IQCJ: variants seen among roughly 807,000 people sequenced by gnomAD.
IQCJ encodes IQ domain-containing protein J.
A neutral mutation model predicts 11.0 loss-of-function variants in IQCJ; 9 were observed. The ratio of observed to expected loss-of-function variants is 0.82; its 90% CI spans 0.49 to 1.43. The LOEUF is 1.43. Ranked by LOEUF, IQCJ falls within the 40% of genes most tolerant of loss-of-function variation. The pLI, the probability that IQCJ is intolerant of heterozygous loss-of-function variation, is 0.00. For synonymous variants in IQCJ, 55 were observed against 51.3 expected, an observed-to-expected ratio of 1.07 and a Z score of -0.31; for missense variants, 146 against 133.2, an observed-to-expected ratio of 1.10 and a Z score of -0.47.
At chr3:159,262,314 T>G (rs1728259015) in intron 3 of IQCJ, among the ~76,000 whole-genome samples, 1 of 152,214 alleles carries the variant, frequency 6.6e-6, no homozygotes, top group Admixed American at 6.5e-5. Context: ...TTTAGGCCGG[T>G]TGAGTGCAGT....
chr3:159,159,073 A>G (rs1277829289), intron 1 of IQCJ, among the ~76,000 whole-genome samples: 1 of 152,220 alleles, frequency 6.6e-6, no homozygotes, highest in Admixed American at 6.5e-5. Flanking sequence ...GGCCCATTAA[A>G]GGAAAACCCC....
intron 1 of IQCJ, among the ~76,000 whole-genome samples, chr3:159,223,550 C>T (rs1039297755): frequency 6.6e-6 from 1 of 152,066 alleles, no homozygotes; most frequent in South Asian, 2.1e-4. Context: ...GATGGAGATA[C>T]AGACATACCT....
chr3:159,198,828 TAAAA>T (rs896927499), intron 1 of IQCJ, among the ~76,000 whole-genome samples: 1 of 152,170 alleles, frequency 6.6e-6, no homozygotes, highest in South Asian at 2.1e-4. Flanking sequence ...TGAATTTAAG[TAAAA>T]AAAGAGAGAC....
At chr3:159,217,709 AC>A (rs1298565384) in intron 1 of IQCJ, among the ~76,000 whole-genome samples, 1 of 152,010 alleles carries the variant, frequency 6.6e-6, no homozygotes, top group Non-Finnish European at 1.5e-5. Flanking sequence ...TGTCTACTCC[AC>A]ATTAAAATCC....
intron 1 of IQCJ, among the ~76,000 whole-genome samples, chr3:159,166,639 G>A (rs1036122100): frequency 2.0e-5 from 3 of 152,182 alleles, no homozygotes; most frequent in African/African-American, 4.8e-5. Flanking sequence ...AAGTGCAGCA[G>A]TGTGCATTCG....
At chr3:159,128,281 A>C (rs1274242612) in intron 1 of IQCJ, among the ~76,000 whole-genome samples, 4 of 152,180 alleles carry the variant, frequency 2.6e-5, no homozygotes, top group Admixed American at 6.5e-5. Context: ...TAGGGCTGAA[A>C]GTAATAACTA....
In IQCJ at chr3:159,122,798, G is replaced by A. The variant is rs183831134; in HGVS notation, c.9+53357G>A. Among the ~76,000 whole-genome samples, 618 of 152,244 alleles carry A rather than the reference G, an allele frequency of 4.1e-3. 3 individuals are homozygous for A. Among genetic ancestry groups the A allele is most frequent in the Admixed American group, 8.2e-3 (125 of 15,298 alleles). ...GTCAGATTTGTCTTACAGTCTTTGG[G>A]TGGCAAAATGGCACTTTCACTTTGG... On this transcript the variant is annotated intron_variant, in intron 1 of 3. Coordinates refer to ENST00000397832, the MANE Select transcript of IQCJ (RefSeq NM_001042706.3).
At chr3:159,092,819 G>A (rs964316715) in intron 1 of IQCJ, among the ~76,000 whole-genome samples, 1 of 150,528 alleles carries the variant, frequency 6.6e-6, no homozygotes, top group African/African-American at 2.5e-5. Context: ...AGCCAGTATA[G>A]TATATTGTGT....
intron 1 of IQCJ, among the ~76,000 whole-genome samples, chr3:159,110,581 C>T (rs1054958011): frequency 1.3e-5 from 2 of 152,130 alleles, no homozygotes; most frequent in Admixed American, 1.3e-4. Context: ...CCTTACACGC[C>T]CTGCCATGAT....
chr3:159,147,610 T>TGAA (rs1201523634), intron 1 of IQCJ, among the ~76,000 whole-genome samples: 3 of 152,328 alleles, frequency 2.0e-5, no homozygotes, highest in East Asian at 3.9e-4. Context: ...TCTTTCTTTC[T>TGAA]GAAGAAGGTG....
At chr3:159,118,856 C>T (rs183464202) in intron 1 of IQCJ, among the ~76,000 whole-genome samples, 5 of 152,274 alleles carry the variant, frequency 3.3e-5, no homozygotes, top group Admixed American at 1.3e-4. Flanking sequence ...AAGGAAGGTT[C>T]GCTCATAGCT....
chr3:159,194,891 C>A (rs146109104), intron 1 of IQCJ, among the ~76,000 whole-genome samples: 30 of 151,996 alleles, frequency 2.0e-4, no homozygotes, highest in Non-Finnish European at 4.4e-4. Context: ...AGTGGGCAGA[C>A]CATGAGGTTA....
chr3:159,085,883 T>C (rs1042305152), intron 1 of IQCJ, among the ~76,000 whole-genome samples: 1 of 151,038 alleles, frequency 6.6e-6, no homozygotes, highest in South Asian at 2.1e-4. Flanking sequence ...TTCACTCTGA[T>C]GGTAGTTTCT....
At chr3:159,214,789 G>T (rs1418949768) in intron 1 of IQCJ, among the ~76,000 whole-genome samples, 1 of 152,094 alleles carries the variant, frequency 6.6e-6, no homozygotes, top group Non-Finnish European at 1.5e-5. Flanking sequence ...ATGACTATTT[G>T]TTCTTTCTTT....
At position 159,262,978 on chromosome 3, in the gene IQCJ, T is replaced by C; in HGVS notation, c.*247T>C. ...TTTGCTTTTCTTTATAATAGCATAT[T>C]TCTTTTAGTATGTGCTGTGTGTTTC... is the stretch of plus-strand genomic sequence containing the variant. On this transcript the variant is annotated 3_prime_UTR_variant, in exon 4 of 4. Transcript: ENST00000397832. 3 of 1,201,406 alleles carry C rather than the reference T, an allele frequency of 2.5e-6. No homozygotes were observed. The highest frequency in any genetic ancestry group is 3.1e-6 in the Non-Finnish European group (3 of 961,654). 74.4% of individuals were successfully genotyped at this position (1,201,406 alleles called of 1,614,324 possible).
intron 1 of IQCJ, among the ~76,000 whole-genome samples, chr3:159,115,944 T>C (rs113932643): frequency 3.2e-4 from 48 of 152,156 alleles, no homozygotes; most frequent in African/African-American, 1.1e-3. Context: ...AGGGGAGGGA[T>C]AGCATTAGGA....
chr3:159,261,506 C>T (rs951405721), intron 3 of IQCJ, among the ~76,000 whole-genome samples: 12 of 152,274 alleles, frequency 7.9e-5, no homozygotes, highest in African/African-American at 1.4e-4. Context: ...TCCCCCATGC[C>T]GTTCTGTTGA....
intron 3 of IQCJ, 147 bp downstream of exon 3, chr3:159,252,954 C>T (rs539530603): frequency 5.2e-6 from 4 of 769,914 alleles, no homozygotes; most frequent in Non-Finnish European, 6.3e-6. Flanking sequence ...TAAGCAGGAA[C>T]ACAGCTACTT....
intron 1 of IQCJ, among the ~76,000 whole-genome samples, chr3:159,151,668 C>G (rs2102109): frequency 0.036 from 5,431 of 152,314 alleles, 336 homozygotes; most frequent in African/African-American, 0.12. Context: ...CGGAGTCTCG[C>G]TCTGTCGCCC....
Sources: allele counts gnomAD v4.1 joint callset (sites outside exome capture counted in the v4.1 genomes callset), GRCh38; gene constraint gnomAD v4.1.1; transcripts MANE v1.5; gene names NCBI Gene and HGNC (gene_info 2026-07-23, HGNC 2026-07-21).